Variants in PPP2R3C observed in about 807,000 individuals in gnomAD.
PPP2R3C encodes the protein protein phosphatase 2 regulatory subunit B''gamma, also known as serine/threonine-protein phosphatase 2A regulatory subunit B'' subunit gamma.
A neutral mutation model predicts 63.7 loss-of-function variants in PPP2R3C; 47 were observed. That is an observed-to-expected ratio of 0.74 (90% CI 0.58 to 0.94). The LOEUF (loss-of-function observed/expected upper bound fraction) is 0.94, where lower values mean the gene tolerates loss of function less well. Among genes scored for constraint, PPP2R3C ranks in the 40% least tolerant of loss-of-function variants. The pLI is 0.00. For missense variants in PPP2R3C, 421 were observed against 518.4 expected, an observed-to-expected ratio of 0.81 and a Z score of 1.82; for synonymous variants, 180 against 177.4, an observed-to-expected ratio of 1.01 and a Z score of -0.12.
chr14:35,120,114 C>G (rs528606358), intron 1 of PPP2R3C, among the ~76,000 whole-genome samples: 204 of 151,888 alleles, frequency 1.3e-3, no homozygotes, highest in South Asian at 5.4e-3. Flanking sequence ...GCTGGGATTA[C>G]AGGCTTGAGC....
At chr14:35,110,495 A>T in intron 3 of PPP2R3C, 30 bp downstream of exon 3, 1 of 1,453,498 alleles carries the variant, frequency 6.9e-7, no homozygotes, top group Non-Finnish European at 9.6e-7. Flanking sequence ...AATGGTTAAC[A>T]TCTAAAGCAA....
intron 2 of PPP2R3C, among the ~76,000 whole-genome samples, chr14:35,114,071 C>T (rs186507093): frequency 6.6e-6 from 1 of 152,282 alleles, no homozygotes; most frequent in African/African-American, 2.4e-5. Flanking sequence ...TGTCAATTCC[C>T]TTCTCTCTCC....
At chr14:35,105,954 T>C (rs1384396566) in intron 6 of PPP2R3C, among the ~76,000 whole-genome samples, 3 of 151,628 alleles carry the variant, frequency 2.0e-5, no homozygotes. Context: ...GCCATTCTCC[T>C]GCCTCAGCCT....
At chr14:35,093,070 G>A (rs1003376643) in intron 10 of PPP2R3C, among the ~76,000 whole-genome samples, 145 of 152,058 alleles carry the variant, frequency 9.5e-4, no homozygotes, top group African/African-American at 3.3e-3. Flanking sequence ...AAAATTAGCC[G>A]GGCATGGTGG....
chr14:35,120,360 T>C (rs919128294), intron 1 of PPP2R3C, among the ~76,000 whole-genome samples: 6 of 151,816 alleles, frequency 4.0e-5, no homozygotes, highest in Non-Finnish European at 8.8e-5. Context: ...TTCTCCTGCC[T>C]CAACCTCTGG....
At chr14:35,087,398 ATTTTCTTTT>A (rs1300133368) in intron 12 of PPP2R3C, 1 of 155,852 alleles carries the variant, frequency 6.4e-6, no homozygotes, top group Non-Finnish European at 1.4e-5. Flanking sequence ...GACTGTCTTA[ATTTTCTTTT>A]TTTTCTTTTG....
intron 11 of PPP2R3C, 22 bp downstream of exon 11, chr14:35,091,048 C>A: frequency 6.3e-7 from 1 of 1,586,190 alleles, no homozygotes; most frequent in South Asian, 1.1e-5. Flanking sequence ...AACAATGACT[C>A]ACTTATGCAA....
chr14:35,097,234 G>A (rs2046028583), intron 7 of PPP2R3C, among the ~76,000 whole-genome samples: 1 of 151,148 alleles, frequency 6.6e-6, no homozygotes, highest in South Asian at 2.1e-4. Flanking sequence ...AAAAAAAAAA[G>A]AGAAACCTAC....
At chr14:35,121,350 C>T (rs1047925936) in intron 1 of PPP2R3C, among the ~76,000 whole-genome samples, 3 of 152,210 alleles carry the variant, frequency 2.0e-5, no homozygotes, top group Admixed American at 6.5e-5. Flanking sequence ...GCACTCCAGC[C>T]AGCCTGGGCG....
intron 3 of PPP2R3C, chr14:35,110,255 T>A: frequency 2.2e-6 from 1 of 450,148 alleles, no homozygotes; most frequent in Non-Finnish European, 3.9e-6. Flanking sequence ...TTTGAACCTC[T>A]GTAGTCTGAC....
rs941711167 is a variant in PPP2R3C, at chr14:35,113,499, G to A, written c.187-2870C>T. On this transcript the variant is annotated intron_variant, in intron 2 of 12. Transcript: ENST00000261475. ...AAAGTTCAGTCCTGGGCTCAGGAAC[G>A]GGGTCACACCATTCCTATCCAAGAG... Among the ~76,000 whole-genome samples, 16 of 152,202 alleles carry A rather than the reference G, an allele frequency of 1.1e-4. No homozygotes were observed. In the South Asian group the frequency reaches 1.7e-3, roughly 16 times the overall value.
chr14:35,114,444 T>C (rs1358844237), intron 2 of PPP2R3C, among the ~76,000 whole-genome samples: 2 of 152,190 alleles, frequency 1.3e-5, no homozygotes, highest in African/African-American at 4.8e-5. Flanking sequence ...TCTGGATAAC[T>C]CACTTATATA....
rs1191591151 is a variant in PPP2R3C, at chr14:35,110,602, G to A, written c.214C>T (p.Gln72Ter). The A allele has an allele frequency of 1.2e-6, 2 of 1,610,966 alleles. No individual in the cohort carries two copies. Among genetic ancestry groups the A allele is most frequent in the Non-Finnish European group, 1.7e-6 (2 of 1,178,924 alleles). Reference protein sequence around the residue: ...RLPAEDEVLLQKLREESRAVF... With the variant: ...RLPAEDEVLL ...GCTCTTGATTCCTCTCTTAATTTCT[G>A]TAGTAAGACTTCATCTTCAGCAGGC... Residue 72 changes from glutamine (Q) to a stop codon, truncating the protein, a stop_gained, in exon 3 of 13, where the codon CAG (glutamine) becomes TAG (stop). Coordinates refer to ENST00000261475, the MANE Select transcript of PPP2R3C (RefSeq NM_017917.4). LOFTEE classifies it high-confidence loss of function.
chr14:35,099,204 T>C (rs1455626060), intron 7 of PPP2R3C, 48 bp downstream of exon 7: 1 of 1,449,300 alleles, frequency 6.9e-7, no homozygotes, highest in African/African-American at 1.5e-5. Flanking sequence ...GAGATTTAGA[T>C]ATAATAATAT....
At chr14:35,105,743 C>A (rs981577223) in intron 6 of PPP2R3C, among the ~76,000 whole-genome samples, 2 of 152,012 alleles carry the variant, frequency 1.3e-5, no homozygotes, top group African/African-American at 2.4e-5. Context: ...CTTGTGTAGT[C>A]GTGCATAGAA....
At chr14:35,094,823 A>C (rs1421242436) in intron 10 of PPP2R3C, among the ~76,000 whole-genome samples, 1 of 152,136 alleles carries the variant, frequency 6.6e-6, no homozygotes, top group Non-Finnish European at 1.5e-5. Flanking sequence ...ATGCAGTGGC[A>C]TGCACCCATA....
chr14:35,107,330 C>T lies in PPP2R3C; in HGVS notation c.547G>A (p.Ala183Thr), dbSNP rs753838796. Residue 183 changes from alanine to threonine, a missense_variant, in exon 6 of 13, where the codon GCT becomes ACT. Physicochemically the swap from Ala to Thr is moderately conservative, Grantham distance 58. Around this residue, in one of 3 missense-constraint regions of PPP2R3C, gnomAD observed 47 missense variants for 102.3 expected, o/e 0.46. Transcript: ENST00000261475. ...GATTCCCGAAGGTACCCCTGCCCAG[C>T]GACATCATATAAACTGAGTCCTATT... The part of the protein sequence containing the change: ...TRIGLSLYDV[A>T]GQGYLRESDL... The T allele has an allele frequency of 4.0e-5, 64 of 1,608,878 alleles. No homozygotes were observed. Among genetic ancestry groups the T allele is most frequent in the Non-Finnish European group, 5.2e-5 (61 of 1,175,446 alleles).
chr14:35,098,607 C>G (rs1029620020), intron 7 of PPP2R3C: 1 of 151,950 alleles, frequency 6.6e-6, no homozygotes, highest in African/African-American at 2.4e-5. Context: ...ACTCAGCCCC[C>G]CAGAGTGCTG....
intron 7 of PPP2R3C, among the ~76,000 whole-genome samples, chr14:35,097,275 T>C (rs2046029767): frequency 6.6e-6 from 1 of 152,076 alleles, no homozygotes; most frequent in African/African-American, 2.4e-5. Context: ...TCTACTTGTA[T>C]ACCTCAACTA....
Sources: allele counts gnomAD v4.1 joint callset (sites outside exome capture counted in the v4.1 genomes callset), GRCh38; gene constraint gnomAD v4.1.1; regional missense constraint gnomAD v4.1.1; transcripts MANE v1.5; gene names NCBI Gene and HGNC (gene_info 2026-07-23, HGNC 2026-07-21).